The following KDELR3 variants were observed in gnomAD, a reference collection of about 807,000 sequenced individuals.
KDELR3 encodes the protein KDEL endoplasmic reticulum protein retention receptor 3, also known as ER lumen protein-retaining receptor 3.
A neutral mutation model predicts 22.7 loss-of-function variants in KDELR3; 26 were observed. The ratio of observed to expected loss-of-function variants is 1.15; its 90% confidence interval spans 0.84 to 1.59. KDELR3 has a LOEUF of 1.59. Among genes scored for constraint, KDELR3 ranks in the 40% most tolerant of loss-of-function variants. KDELR3 has a pLI of 0.00. For missense variants in KDELR3, 289 were observed against 251.1 expected, an observed-to-expected ratio of 1.15 and a Z score of -1.02; for synonymous variants, 120 against 98.2, an observed-to-expected ratio of 1.22 and a Z score of -1.31.
In KDELR3 at chr22:38,469,784, A is replaced by C. The variant is rs373982667; in HGVS notation, c.91+1460A>C. Among the ~76,000 whole-genome samples, 502 of 152,304 alleles carry C rather than the reference A, an allele frequency of 3.3e-3. 4 individuals carry two copies. Among genetic ancestry groups the C allele is most frequent in the Non-Finnish European group, 5.1e-3 (348 of 68,014 alleles). ...ACCTAGAATACAGCCCGGACAGCAG[A>C]GGCCCAGCCCTGGTGGAGCTGACTT... On this transcript the variant is annotated intron_variant, in intron 1 of 4. Transcript: ENST00000216014.
chr22:38,476,661 A>G (rs529322887), intron 2 of KDELR3, among the ~76,000 whole-genome samples: 1 of 151,960 alleles, frequency 6.6e-6, no homozygotes, highest in African/African-American at 2.4e-5. Flanking sequence ...AGTAGCTGGG[A>G]TTACAGGCAC....
At position 38,481,409 on chromosome 22, in the gene KDELR3, TGGA is replaced by T; in HGVS notation, c.551_553del (p.Gly184del). 6.2e-7 allele frequency: 1 copy of T among 1,614,210 alleles called. No individual in the cohort carries two copies. On this transcript the variant is annotated inframe_deletion, in exon 4 of 5. Transcript: ENST00000216014. ...TCTATGACCAAATTGCAGTCGTGTC[TGGA>T]GTAGTACAAACCATCTTCTACTGTG...
At chr22:38,471,261 G>A (rs1417794063) in intron 1 of KDELR3, among the ~76,000 whole-genome samples, 14 of 152,196 alleles carry the variant, frequency 9.2e-5, no homozygotes, top group Non-Finnish European at 5.9e-5. Flanking sequence ...AAGAGGGGTA[G>A]GGGAAGGCCC....
At chr22:38,470,737 C>T (rs1424040706) in intron 1 of KDELR3, among the ~76,000 whole-genome samples, 1 of 152,060 alleles carries the variant, frequency 6.6e-6, no homozygotes, top group Non-Finnish European at 1.5e-5. Flanking sequence ...TTAGTGGACC[C>T]CGGAGGGACT....
At chr22:38,472,233 T>C (rs575283052) in intron 1 of KDELR3, among the ~76,000 whole-genome samples, 3 of 152,250 alleles carry the variant, frequency 2.0e-5, no homozygotes, top group African/African-American at 7.2e-5. Flanking sequence ...ATCCCAGCAC[T>C]TTGGGAGGCC....
intron 4 of KDELR3, among the ~76,000 whole-genome samples, chr22:38,482,208 GA>G (rs763490772): frequency 6.6e-6 from 1 of 152,178 alleles, no homozygotes; most frequent in Non-Finnish European, 1.5e-5. Context: ...AAGACATGTG[GA>G]CACAAGTTCT....
intron 1 of KDELR3, among the ~76,000 whole-genome samples, chr22:38,471,541 G>A (rs959773660): frequency 6.6e-6 from 1 of 152,224 alleles, no homozygotes; most frequent in African/African-American, 2.4e-5. Flanking sequence ...GTATTCCTCA[G>A]CTCAGTCCTG....
Position 38,482,726 on chromosome 22 carries a change from T to C in KDELR3, c.*190T>C, listed in dbSNP as rs543529042. 71 of 573,856 alleles carry C rather than the reference T, an allele frequency of 1.2e-4. 2 individuals are homozygous for C. The South Asian group carries it at 1.5e-3, about 12-fold the overall frequency. 35.5% of individuals were successfully genotyped at this position (573,856 alleles called of 1,614,324 possible). ...TCAATAGATCGCCCTTAAAGACCCA[T>C]TGTAAGGTCATAAAAAACCTCGGCC... On this transcript the variant is annotated 3_prime_UTR_variant, in exon 5 of 5. Transcript: ENST00000216014.
intron 2 of KDELR3, among the ~76,000 whole-genome samples, chr22:38,478,049 C>G (rs1380817582): frequency 6.6e-6 from 1 of 152,128 alleles, no homozygotes; most frequent in Non-Finnish European, 1.5e-5. Flanking sequence ...GGACTTGTAC[C>G]TAGACATTTA....
rs917155296 is a variant in KDELR3, at chr22:38,483,072, T to C, written c.*536T>C. 2 of 152,908 alleles carry C rather than the reference T, an allele frequency of 1.3e-5. No individual in the cohort carries two copies. Among genetic ancestry groups the C allele is most frequent in the Non-Finnish European group, 2.9e-5 (2 of 68,568 alleles). 9.5% of individuals were successfully genotyped at this position (152,908 alleles called of 1,614,324 possible). On this transcript the variant is annotated 3_prime_UTR_variant, in exon 5 of 5. Coordinates refer to ENST00000216014, the MANE Select transcript of KDELR3 (RefSeq NM_006855.4). ...CCTTCAGGCCAGAAGCAAACCAAATTTACCAGGTTTGGCTGGAGGAGTTTT... is the reference window on the plus strand; with the variant it reads ...CCTTCAGGCCAGAAGCAAACCAAATCTACCAGGTTTGGCTGGAGGAGTTTT...
intron 1 of KDELR3, among the ~76,000 whole-genome samples, chr22:38,471,242 T>G (rs1328066282): frequency 6.6e-6 from 1 of 152,010 alleles, no homozygotes; most frequent in Non-Finnish European, 1.5e-5. Flanking sequence ...AGGCTGAGGA[T>G]GAAGAGAAAA....
intron 2 of KDELR3, among the ~76,000 whole-genome samples, chr22:38,478,629 ATTTTTTTTTTTTTTTTTT>A (rs55884876): frequency 2.3e-5 from 1 of 43,560 alleles, no homozygotes; most frequent in African/African-American, 9.3e-5. Context: ...AGCATCTGTG[ATTTTTTTTTTTTTTTTTT>A]TTTTTTTTTT....
intron 1 of KDELR3, among the ~76,000 whole-genome samples, chr22:38,468,553 G>A (rs1191513215): frequency 2.0e-5 from 3 of 152,288 alleles, no homozygotes; most frequent in African/African-American, 4.8e-5. Context: ...CTGCACAGAC[G>A]CCCCCTCAGG....
intron 2 of KDELR3, among the ~76,000 whole-genome samples, chr22:38,477,176 G>C (rs1163828293): frequency 6.7e-6 from 1 of 150,070 alleles, no homozygotes; most frequent in African/African-American, 2.5e-5. Context: ...GCCTCCCAAA[G>C]TGTTGGGATT....
chr22:38,469,476 T>C (rs2089510389), intron 1 of KDELR3, among the ~76,000 whole-genome samples: 1 of 152,132 alleles, frequency 6.6e-6, no homozygotes, highest in Admixed American at 6.5e-5. Flanking sequence ...TGGGGGTTGG[T>C]GCAGACATGA....
At chr22:38,469,115 C>G (rs972583124) in intron 1 of KDELR3, among the ~76,000 whole-genome samples, 2 of 152,188 alleles carry the variant, frequency 1.3e-5, no homozygotes, top group African/African-American at 4.8e-5. Flanking sequence ...GAGTGGGCCC[C>G]GAAGGCCCTG....
intron 1 of KDELR3, among the ~76,000 whole-genome samples, chr22:38,472,710 G>C (rs1273264550): frequency 6.6e-6 from 1 of 152,012 alleles, no homozygotes; most frequent in Non-Finnish European, 1.5e-5. Context: ...GTTTTGTTTT[G>C]TTTTTTAAGA....
At chr22:38,471,021 G>A (rs1028474500) in intron 1 of KDELR3, among the ~76,000 whole-genome samples, 2 of 152,156 alleles carry the variant, frequency 1.3e-5, no homozygotes, top group African/African-American at 4.8e-5. Context: ...GCAGGTGCCT[G>A]TAATCCCAGC....
At position 38,468,273 on chromosome 22, in the gene KDELR3, C is replaced by T; in HGVS notation, c.40C>T (p.Leu14=). The change falls in exon 1 of 5, where the codon CTG becomes TTG. Residue 14 remains leucine, a synonymous_variant. Coordinates refer to ENST00000216014, the MANE Select transcript of KDELR3 (RefSeq NM_006855.4). ...AATCCTCGGCGACCTGAGCCACCTC[C>T]TGGCCATGATCTTGCTGCTGGGGAA... ...FRILGDLSHL[L]AMILLLGKIW... 6.2e-7 allele frequency: 1 copy of T among 1,613,866 alleles called. No homozygotes were observed. Among genetic ancestry groups the T allele is most frequent in the South Asian group, 1.1e-5 (1 of 91,076 alleles).
Sources: gnomAD v4.1 joint callset for allele counts (sites outside exome capture counted in the v4.1 genomes callset) on GRCh38, gnomAD v4.1.1 for gene constraint, MANE v1.5 for transcripts, NCBI Gene and HGNC (gene_info 2026-07-23, HGNC 2026-07-21) for gene names.